The following DENND2C variants were observed in gnomAD, a reference collection of about 807,000 sequenced individuals.
The protein encoded by DENND2C is DENN domain-containing protein 2C.
DENND2C carries 72 observed loss-of-function variants against 112.4 expected under a neutral mutation model. The ratio of observed to expected loss-of-function variants is 0.64; its 90% CI spans 0.53 to 0.78. DENND2C has a LOEUF of 0.78. Ranked by LOEUF, DENND2C falls within the 30% of genes least tolerant of loss-of-function variation. The probability of loss-of-function intolerance (pLI) is 0.00; values close to 1 mark genes in which losing one functional copy is unlikely to be tolerated. For synonymous variants in DENND2C, 329 were observed against 381.6 expected, an observed-to-expected ratio of 0.86 and a Z score of 1.61; for missense variants, 992 against 1,113.8, an observed-to-expected ratio of 0.89 and a Z score of 1.56.
chr1:114,656,332 C>T (rs910920417), intron 1 of DENND2C, among the ~76,000 whole-genome samples: 2 of 152,044 alleles, frequency 1.3e-5, no homozygotes, highest in Non-Finnish European at 2.9e-5. Flanking sequence ...CTTCAGGCTC[C>T]CAAAGTGCTG....
Position 114,584,979 on chromosome 1 carries a change from G to A in DENND2C, c.*621C>T, listed in dbSNP as rs1489409630. ...ACATAATTTGGAGGAGGAGTTGCAA[G>A]ATGTCTAATTTTATAAGGTACTTAA... On this transcript the variant is annotated 3_prime_UTR_variant, in exon 21 of 21. Coordinates refer to ENST00000393274, the MANE Select transcript of DENND2C (RefSeq NM_001256404.2). 6.6e-6 allele frequency: 1 copy of A among 152,122 alleles called. No homozygotes were observed. Among genetic ancestry groups the A allele is most frequent in the African/African-American group, 2.4e-5 (1 of 41,410 alleles). 9.4% of individuals were successfully genotyped at this position (152,122 alleles called of 1,614,324 possible).
chr1:114,593,123 G>T (rs1228469305), intron 18 of DENND2C, among the ~76,000 whole-genome samples: 2 of 152,016 alleles, frequency 1.3e-5, no homozygotes, highest in East Asian at 1.9e-4. Context: ...GTGAGCCACT[G>T]TACCTGCCCA....
intron 8 of DENND2C, among the ~76,000 whole-genome samples, chr1:114,615,189 A>G (rs1251076493): frequency 1.3e-5 from 2 of 152,232 alleles, no homozygotes; most frequent in African/African-American, 4.8e-5. Flanking sequence ...CCACAGAGTT[A>G]TTTAGAAAAT....
Position 114,626,089 on chromosome 1 carries a change from G to T in DENND2C, c.-105C>A. Reference sequence around the variant, plus strand: ...TCCTGTCAGAATCCAAATGATTCCAGTATTTTCCCTTCATGTTTAACTTGT... The same window carrying T: ...TCCTGTCAGAATCCAAATGATTCCATTATTTTCCCTTCATGTTTAACTTGT... On this transcript the variant is annotated 5_prime_UTR_variant, in exon 4 of 21. The change creates a new upstream start codon in the 5' untranslated region. Coordinates refer to ENST00000393274, the MANE Select transcript of DENND2C (RefSeq NM_001256404.2). The T allele has an allele frequency of 8.4e-7, 1 of 1,185,196 alleles. No individual in the cohort carries two copies. Among genetic ancestry groups the T allele is most frequent in the Non-Finnish European group, 1.2e-6 (1 of 862,044 alleles). 73.4% of individuals were successfully genotyped at this position (1,185,196 alleles called of 1,614,324 possible).
intron 20 of DENND2C, 97 bp downstream of exon 20, chr1:114,587,287 ACCT>A: frequency 2.3e-6 from 3 of 1,312,562 alleles, no homozygotes; most frequent in Non-Finnish European, 3.3e-6. Flanking sequence ...CCTCAAGCAA[ACCT>A]CCTTACTTGA....
At chr1:114,646,622 C>G (rs1175545761) in intron 2 of DENND2C, among the ~76,000 whole-genome samples, 1 of 152,126 alleles carries the variant, frequency 6.6e-6, no homozygotes, top group East Asian at 1.9e-4. Context: ...TCTACTCTTC[C>G]CTTGGGGATC....
chr1:114,590,223 C>T (rs1263510764), intron 18 of DENND2C, among the ~76,000 whole-genome samples: 5 of 152,070 alleles, frequency 3.3e-5, no homozygotes, highest in Non-Finnish European at 5.9e-5. Context: ...GACTCCATCT[C>T]TACAAAAAAT....
chr1:114,643,737 T>A (rs1656905368), intron 3 of DENND2C, among the ~76,000 whole-genome samples: 1 of 152,196 alleles, frequency 6.6e-6, no homozygotes, highest in Non-Finnish European at 1.5e-5. Context: ...TATGTAAGAA[T>A]CTTTAAAAAA....
At chr1:114,596,076 A>G (rs1655333379) in intron 16 of DENND2C, among the ~76,000 whole-genome samples, 1 of 152,242 alleles carries the variant, frequency 6.6e-6, no homozygotes, top group Non-Finnish European at 1.5e-5. Context: ...TATGTCAACT[A>G]AATACAGTGT....
At chr1:114,667,421 A>G (rs1324399090) in intron 1 of DENND2C, among the ~76,000 whole-genome samples, 1 of 152,162 alleles carries the variant, frequency 6.6e-6, no homozygotes, top group Admixed American at 6.5e-5. Context: ...CTGAGAACAG[A>G]TATTTTTAAC....
In DENND2C at chr1:114,665,021, G is replaced by A. The variant is rs190181988; in HGVS notation, c.-574+4962C>T. ...AGACAGGAGAATCACTTGGACCTGGGAGGCAGAGGTTGCAGTGAGCTGAGA... is the reference window on the plus strand; with the variant it reads ...AGACAGGAGAATCACTTGGACCTGGAAGGCAGAGGTTGCAGTGAGCTGAGA... On this transcript the variant is annotated intron_variant, in intron 1 of 20. Transcript: ENST00000393274. 3.3e-5 allele frequency among the ~76,000 whole-genome samples: 5 copies of A among 152,018 alleles called. No individual in the cohort carries two copies. The East Asian group carries it at 9.8e-4, about 30-fold the overall frequency.
At chr1:114,617,483 G>C (rs1186559159) in intron 8 of DENND2C, among the ~76,000 whole-genome samples, 2 of 151,852 alleles carry the variant, frequency 1.3e-5, no homozygotes, top group African/African-American at 4.8e-5. Flanking sequence ...GCTAATTTTT[G>C]TATTTTTAGT....
At chr1:114,618,360 T>G (rs1359902580) in intron 8 of DENND2C, 26 bp downstream of exon 8, 6 of 1,463,006 alleles carry the variant, frequency 4.1e-6, no homozygotes, top group Non-Finnish European at 5.6e-6. Flanking sequence ...AGCTACAGGA[T>G]AGCTGGAACG....
intron 4 of DENND2C, 23 bp from the exon 5 acceptor site, chr1:114,623,666 A>G: frequency 6.5e-7 from 1 of 1,535,972 alleles, no homozygotes; most frequent in Non-Finnish European, 8.8e-7. Flanking sequence ...GATATATTTT[A>G]AAGTTATATC....
intron 18 of DENND2C, among the ~76,000 whole-genome samples, 175 bp downstream of exon 18, chr1:114,594,298 G>T (rs1241957657): frequency 1.3e-5 from 2 of 152,218 alleles, no homozygotes; most frequent in East Asian, 1.9e-4. Context: ...CAAAGGTCCT[G>T]AAATAGAAGA....
rs1655270954 is a variant in DENND2C, at chr1:114,594,064, G to GTA, written c.2431+408_2431+409insTA. Among the ~76,000 whole-genome samples, 3 of 152,200 alleles carry GTA rather than the reference G, an allele frequency of 2.0e-5. No individual in the cohort carries two copies. The South Asian group carries it at 6.2e-4, about 32-fold the overall frequency. ...AACAAAATAAAGCCACTGTTCTCACGGAACTTATGCTGTAGAATATGAGAT... is the reference window on the plus strand; with the variant it reads ...AACAAAATAAAGCCACTGTTCTCACGTAGAACTTATGCTGTAGAATATGAGAT... On this transcript the variant is annotated intron_variant, in intron 18 of 20. Transcript: ENST00000393274.
intron 1 of DENND2C, among the ~76,000 whole-genome samples, chr1:114,657,177 T>C (rs766025966): frequency 3.3e-5 from 5 of 152,250 alleles, no homozygotes; most frequent in Non-Finnish European, 5.9e-5. Flanking sequence ...ATTGTTAGTC[T>C]TTTTAATTTT....
intron 2 of DENND2C, among the ~76,000 whole-genome samples, chr1:114,650,589 G>T (rs1044713242): frequency 6.7e-6 from 1 of 148,222 alleles, no homozygotes; most frequent in Admixed American, 6.8e-5. Context: ...CAGGAGAATG[G>T]CGCAAACCCA....
At chr1:114,665,199 G>T (rs1278879769) in intron 1 of DENND2C, among the ~76,000 whole-genome samples, 3 of 151,504 alleles carry the variant, frequency 2.0e-5, no homozygotes, top group Non-Finnish European at 4.4e-5. Context: ...AGCCCAAGAG[G>T]TCCAGGCTGC....
Sources: allele counts gnomAD v4.1 joint callset (sites outside exome capture counted in the v4.1 genomes callset), GRCh38; gene constraint gnomAD v4.1.1; transcripts MANE v1.5; gene names NCBI Gene and HGNC (gene_info 2026-07-23, HGNC 2026-07-21).